ECE1: variants seen among roughly 807,000 people sequenced by gnomAD.
ECE1 encodes the protein endothelin-converting enzyme 1.
In ECE1, 35 loss-of-function variants were observed where a neutral mutation model predicts 98.6. The ratio of observed to expected loss-of-function variants is 0.35; its 90% CI spans 0.27 to 0.47. The LOEUF (loss-of-function observed/expected upper bound fraction) is 0.47. ECE1 is among the 20% of genes least tolerant of loss of function. The pLI is 1.00. For synonymous variants in ECE1, 394 were observed against 407.1 expected (o/e 0.97, Z 0.39); for missense variants, 814 against 1,025.3 (o/e 0.79, Z 2.81).
intron 8 of ECE1, among the ~76,000 whole-genome samples, chr1:21,247,999 T>C (rs577644435): frequency 2.2e-4 from 34 of 152,346 alleles, no homozygotes; most frequent in African/African-American, 7.7e-4. Context: ...GTAACATCAG[T>C]GAACTTCTAC....
Position 21,219,870 on chromosome 1 carries a change from G to T in ECE1, c.*85C>A. On this transcript the variant is annotated 3_prime_UTR_variant, in exon 19 of 19. Coordinates refer to ENST00000374893, the MANE Select transcript of ECE1 (RefSeq NM_001397.3). This position sits in a 1 kb window ranked among gnomAD's most constrained non-coding sequence, Gnocchi z 4.5. ...GAAGCAGGGCCCCGGGTGGCCAAGC[G>T]GGCTGAGCAATGCCCTGGAGGCTGG... 1 of 1,574,372 alleles carries T rather than the reference G, an allele frequency of 6.4e-7. No individual in the cohort carries two copies. The highest frequency in any genetic ancestry group is 8.7e-7 in the Non-Finnish European group (1 of 1,154,004).
intron 1 of ECE1, among the ~76,000 whole-genome samples, chr1:21,303,352 T>A (rs1638527529): frequency 6.6e-6 from 1 of 152,190 alleles, no homozygotes; most frequent in Non-Finnish European, 1.5e-5. Context: ...GGAGAAACAG[T>A]CAGAATTCAA....
intron 1 of ECE1, among the ~76,000 whole-genome samples, chr1:21,336,012 C>T (rs1190996861): frequency 2.0e-5 from 3 of 152,240 alleles, no homozygotes; most frequent in Non-Finnish European, 1.5e-5. Flanking sequence ...CTGCCAGGCC[C>T]TGGGGGCAGG....
chr1:21,242,477 G>C (rs2098197799), intron 10 of ECE1, among the ~76,000 whole-genome samples: 1 of 152,224 alleles, frequency 6.6e-6, no homozygotes, highest in Admixed American at 6.5e-5. Context: ...AGGTCACACA[G>C]CTAGGAGGTG....
intron 4 of ECE1, among the ~76,000 whole-genome samples, chr1:21,267,440 G>A (rs897415261): frequency 6.6e-5 from 10 of 152,120 alleles, no homozygotes; most frequent in Non-Finnish European, 1.5e-4. Context: ...GAGAGAGGCT[G>A]TGCAGGAGAA....
intron 2 of ECE1, 43 bp from the exon 3 acceptor site, chr1:21,279,375 CG>C: frequency 1.2e-6 from 2 of 1,613,674 alleles, no homozygotes; most frequent in Non-Finnish European, 1.7e-6. Flanking sequence ...ACGTGAGCCC[CG>C]GGCCCCGCTT....
At chr1:21,290,704 C>G (rs1213480391), upstream of ECE1, among the ~76,000 whole-genome samples, 1 of 152,202 alleles carries the variant, frequency 6.6e-6, no homozygotes, top group East Asian at 1.9e-4. The surrounding 1 kb of genome is among the most constrained non-coding windows in gnomAD (Gnocchi z 7.3). Flanking sequence ...CTTCAACAAC[C>G]GGGTCCCCAG....
chr1:21,326,349 G>A (rs1325879247), intron 1 of ECE1, among the ~76,000 whole-genome samples: 1 of 151,948 alleles, frequency 6.6e-6, no homozygotes, highest in African/African-American at 2.4e-5. Context: ...GGGGGTTAGA[G>A]AAACCTGGGA....
At chr1:21,246,206 AATT>A (rs1313938556) in intron 9 of ECE1, among the ~76,000 whole-genome samples, 3 of 152,166 alleles carry the variant, frequency 2.0e-5, no homozygotes, top group African/African-American at 7.2e-5. Context: ...ATTTTTTAAA[AATT>A]ATAAGTATTG....
Position 21,233,704 on chromosome 1 carries a change from G to A in ECE1, c.1567-43C>T. On this transcript the variant is annotated intron_variant, in intron 13 of 18. Transcript: ENST00000374893. This position sits in a 1 kb window ranked among gnomAD's most constrained non-coding sequence, Gnocchi z 4.0. ...GAGTCAATCACAGTGTGCCCTCGGT[G>A]GTGTGCATCTTCCAAGACAGGAAGC... 1 of 1,576,932 alleles carries A rather than the reference G, an allele frequency of 6.3e-7. No individual in the cohort carries two copies. Among genetic ancestry groups the A allele is most frequent in the Non-Finnish European group, 8.7e-7 (1 of 1,147,858 alleles).
chr1:21,319,698 G>A lies in ECE1; in HGVS notation c.3+25678C>T, dbSNP rs1638918714. 6.6e-6 allele frequency among the ~76,000 whole-genome samples: 1 copy of A among 152,084 alleles called. No individual in the cohort carries two copies. Reference sequence around the variant, plus strand: ...TCCTGAGACCTGGCTCCTCATTCTCGCCACTCCCTACCAGGCACCGGGAGG... The same window carrying A: ...TCCTGAGACCTGGCTCCTCATTCTCACCACTCCCTACCAGGCACCGGGAGG... On this transcript the variant is annotated intron_variant, in intron 1 of 18. Transcript: ENST00000415912. The surrounding 1 kb of genome is among the most constrained non-coding windows in gnomAD (Gnocchi z 4.4).
intron 9 of ECE1, 38 bp downstream of exon 9, chr1:21,247,181 CTG>C: frequency 6.2e-7 from 1 of 1,613,856 alleles, no homozygotes; most frequent in Non-Finnish European, 8.5e-7. Flanking sequence ...AGAGGGCTGT[CTG>C]TGAGAGGCGT....
chr1:21,232,698 G>A (rs896600682), intron 14 of ECE1, among the ~76,000 whole-genome samples: 1 of 147,044 alleles, frequency 6.8e-6, no homozygotes, highest in Non-Finnish European at 1.5e-5. Context: ...TTGAGATGGA[G>A]TCTTGCTCTG....
chr1:21,226,271 G>A (rs1236922503), intron 16 of ECE1, among the ~76,000 whole-genome samples: 2 of 152,284 alleles, frequency 1.3e-5, no homozygotes, highest in East Asian at 3.9e-4. Context: ...AAACCTAATA[G>A]GAACCCCAAG....
chr1:21,304,315 CAAAAAA>C (rs71014183), intron 1 of ECE1, among the ~76,000 whole-genome samples: 6 of 48,626 alleles, frequency 1.2e-4, no homozygotes, highest in African/African-American at 6.1e-4. Flanking sequence ...GACTCCCTCT[CAAAAAA>C]AAAAAAAAAA....
intron 3 of ECE1, among the ~76,000 whole-genome samples, chr1:21,277,475 G>A (rs2098248827): frequency 6.6e-6 from 1 of 152,208 alleles, no homozygotes; most frequent in Non-Finnish European, 1.5e-5. Flanking sequence ...CACTGACCAG[G>A]AGGGGGTTCA....
intron 1 of ECE1, among the ~76,000 whole-genome samples, chr1:21,338,455 G>C (rs183944940): frequency 1.3e-5 from 2 of 152,222 alleles, no homozygotes; most frequent in Non-Finnish European, 2.9e-5. Context: ...ATTTTACAGA[G>C]GAAGAAAGTG....
At chr1:21,335,831 G>A (rs896561529) in intron 1 of ECE1, among the ~76,000 whole-genome samples, 1 of 152,176 alleles carries the variant, frequency 6.6e-6, no homozygotes, top group Non-Finnish European at 1.5e-5. Flanking sequence ...GGGAAGCTTC[G>A]ACCCACCCAG....
chr1:21,285,088 C>T (rs2098259099), intron 2 of ECE1, among the ~76,000 whole-genome samples: 1 of 152,180 alleles, frequency 6.6e-6, no homozygotes, highest in Non-Finnish European at 1.5e-5. Context: ...GCAAAATTCT[C>T]AAGTCCTTGT....
Sources: allele counts gnomAD v4.1 joint callset (sites outside exome capture counted in the v4.1 genomes callset), GRCh38; gene constraint gnomAD v4.1.1; non-coding constraint Gnocchi (gnomAD v3.1); transcripts MANE v1.5; gene names NCBI Gene and HGNC (gene_info 2026-07-23, HGNC 2026-07-21).